The following PLEC variants were observed in gnomAD, a reference collection of about 807,000 sequenced individuals.
PLEC encodes the protein hemidesmosomal protein 1.
PLEC carries 216 observed loss-of-function variants against 392.8 expected under a neutral mutation model. The observed-to-expected ratio is 0.55, with a 90% CI of 0.49 to 0.62. The LOEUF is 0.62. Ranked by LOEUF, PLEC falls within the 20% of genes least tolerant of loss-of-function variation. The probability of loss-of-function intolerance (pLI) is 0.00; values close to 1 mark genes in which losing one functional copy is unlikely to be tolerated. For synonymous variants in PLEC, 3,621 were observed against 2,980.6 expected, an observed-to-expected ratio of 1.21 and a Z score of -7.00; for missense variants, 6,863 against 6,563.4, an observed-to-expected ratio of 1.05 and a Z score of -1.58.
chr8:143,942,382 C>A, upstream of PLEC: 2 of 1,602,858 alleles, frequency 1.2e-6, no homozygotes, highest in South Asian at 1.1e-5. Flanking sequence ...GGCCACGCCA[C>A]TGCACCCACC....
intron 1 of PLEC, among the ~76,000 whole-genome samples, chr8:143,959,725 G>A (rs541162880): frequency 1.0e-4 from 16 of 152,392 alleles, no homozygotes; most frequent in South Asian, 2.1e-4. Flanking sequence ...AACCTGGTGT[G>A]GTGGCTCACG....
In PLEC at chr8:143,927,087, G is replaced by A. The variant is rs782214540; in HGVS notation, c.3841-6C>T. The stretch of plus-strand genomic sequence containing the variant: ...ACCAGCTGGAGTTCATAGTCCTGTG[G>A]CAATGCACTGCGGTCAGCCACCAGC... On this transcript the variant is annotated splice_polypyrimidine_tract_variant and splice_region_variant and intron_variant, in intron 28 of 31. Coordinates refer to ENST00000345136, the MANE Select transcript of PLEC (RefSeq NM_201384.3). 3.7e-6 allele frequency: 6 copies of A among 1,606,438 alleles called. No homozygotes were observed. The highest frequency in any genetic ancestry group is 5.1e-6 in the Non-Finnish European group (6 of 1,176,828).
At position 143,918,580 on chromosome 8, in the gene PLEC, A is replaced by G; in HGVS notation, c.11241T>C (p.Ala3747=). ...VKGERLTVDE[A]VRKGLVGPEL... is the part of the protein sequence containing the mutation. The stretch of plus-strand genomic sequence containing the variant: ...CGGGCCCCACGAGGCCCTTCCGCAC[A>G]GCCTCATCCACAGTCAGCCGCTCCC... Residue 3747 remains alanine (A), a synonymous_variant, in exon 32 of 32, where the codon GCT becomes GCC. Transcript: ENST00000345136. 1 of 1,612,184 alleles carries G rather than the reference A, an allele frequency of 6.2e-7. No homozygotes were observed. The highest frequency in any genetic ancestry group is 8.5e-7 in the Non-Finnish European group (1 of 1,179,872).
Position 143,919,560 on chromosome 8 carries a change from C to T in PLEC, c.10261G>A (p.Glu3421Lys), listed in dbSNP as rs782234717. The change falls in exon 32 of 32, where the codon GAG becomes AAG. Residue 3421 changes from glutamate to lysine, a missense_variant. Glu to Lys is a moderately conservative substitution (Grantham distance 56). Coordinates refer to ENST00000345136, the MANE Select transcript of PLEC (RefSeq NM_201384.3). ...GCAGACAGCAGCTGCTCGTGAAGCT[C>T]GGGGCCCACCACGCCCGCCTTCACG... is the stretch of plus-strand genomic sequence containing the variant. Reference protein sequence around the residue: ...EAVKAGVVGPELHEQLLSAEK... With the variant: ...EAVKAGVVGPKLHEQLLSAEK... 22 of 1,607,444 alleles carry T rather than the reference C, an allele frequency of 1.4e-5. No homozygotes were observed. Among genetic ancestry groups the T allele is most frequent in the East Asian group, 2.2e-5 (1 of 44,846 alleles).
At chr8:143,952,070 G>A (rs1832210897), upstream of PLEC, among the ~76,000 whole-genome samples, 1 of 152,158 alleles carries the variant, frequency 6.6e-6, no homozygotes, top group South Asian at 2.1e-4. Context: ...GTGGGAGAGA[G>A]GGGGGATCCC....
Position 143,924,335 on chromosome 8 carries a change from C to T in PLEC, c.5594G>A (p.Arg1865His), listed in dbSNP as rs569571032. The change falls in exon 31 of 32, where the codon CGC (arginine) becomes CAC (histidine). Residue 1865 changes from arginine to histidine, a missense_variant. Arg to His is a conservative substitution (Grantham distance 29). Transcript: ENST00000345136. ...CTCGTCCTCCGCCAGCCGCCGCAGG[C>T]GCTCGTTCTCCGCCTCCTTCTCCTT... ...ALKEKEAENERLRRLAEDEAF... is the reference protein window; with the variant it reads ...ALKEKEAENEHLRRLAEDEAF... 9.5e-5 allele frequency: 151 copies of T among 1,596,652 alleles called. No homozygotes were observed. Among genetic ancestry groups the T allele is most frequent in the South Asian group, 9.4e-4 (85 of 90,844 alleles).
intron 6 of PLEC, 82 bp downstream of exon 6, chr8:143,935,765 GC>G: frequency 6.8e-7 from 1 of 1,472,078 alleles, no homozygotes; most frequent in South Asian, 1.2e-5. Flanking sequence ...CCTCCTCCCT[GC>G]CCCAACGTGT....
Position 143,931,873 on chromosome 8 carries a change from G to A in PLEC, c.2178+64C>T. 3 of 1,477,654 alleles carry A rather than the reference G, an allele frequency of 2.0e-6. No individual in the cohort carries two copies. In the South Asian group the frequency reaches 3.6e-5, roughly 18 times the overall value. 91.5% of individuals were successfully genotyped at this position (1,477,654 alleles called of 1,614,324 possible). On this transcript the variant is annotated intron_variant, in intron 18 of 31. Transcript: ENST00000345136. Reference sequence around the variant, plus strand: ...AGGGCTCCTGATTGGAGCTGCCGAGGGGGTCCAGGGGCTCCTGCAAGGCTG... The same window carrying A: ...AGGGCTCCTGATTGGAGCTGCCGAGAGGGTCCAGGGGCTCCTGCAAGGCTG...
chr8:143,931,866 T>C (rs1386965164), intron 18 of PLEC, 71 bp downstream of exon 18: 2 of 1,457,654 alleles, frequency 1.4e-6, no homozygotes, highest in East Asian at 2.4e-5. Flanking sequence ...TGATTGGAGC[T>C]GCCGAGGGGG....
At position 143,969,862 on chromosome 8, in the gene PLEC, C is replaced by T. The variant is rs1833327199; in HGVS notation, c.70+3541G>A. 2.0e-5 allele frequency among the ~76,000 whole-genome samples: 3 copies of T among 150,832 alleles called. No individual in the cohort carries two copies. Among genetic ancestry groups the T allele is most frequent in the African/African-American group, 7.3e-5 (3 of 40,916 alleles). ...GGTGAGAATGAGGCCGGGGTGAGTA[C>T]CGTTGGTGAGTGGGTGGCGTTGGTG... is the stretch of plus-strand genomic sequence containing the variant. On this transcript the variant is annotated intron_variant, in intron 1 of 31. Transcript: ENST00000356346. The surrounding 1 kb of genome is among the most constrained non-coding windows in gnomAD (Gnocchi z 5.1).
chr8:143,935,782 G>A, intron 6 of PLEC, 66 bp downstream of exon 6: 2 of 1,560,076 alleles, frequency 1.3e-6, no homozygotes, highest in Middle Eastern at 1.7e-4. Flanking sequence ...CGTGTCTGAA[G>A]TTGCCTAGTG....
chr8:143,963,599 G>A (rs1832958594), intron 1 of PLEC, among the ~76,000 whole-genome samples: 1 of 152,114 alleles, frequency 6.6e-6, no homozygotes, highest in South Asian at 2.1e-4. Flanking sequence ...GCCCCCATCT[G>A]GATCCTACCC....
chr8:143,929,623 G>T, intron 23 of PLEC, 23 bp downstream of exon 23: 2 of 1,608,462 alleles, frequency 1.2e-6, no homozygotes, highest in Non-Finnish European at 8.5e-7. Context: ...CAGCCCAACC[G>T]CCCCAGCCCT....
Position 143,934,821 on chromosome 8 carries a change from C to T in PLEC, c.934G>A (p.Glu312Lys), listed in dbSNP as rs577853547. The T allele has an allele frequency of 2.3e-5, 37 of 1,611,742 alleles. No homozygotes were observed. Among genetic ancestry groups the T allele is most frequent in the Admixed American group, 1.5e-4 (9 of 60,010 alleles). ...FEERRFPSSF[E>K]EIEILWSQFL... ...CACGGCAGGCCCACCTCAATCTCCT[C>T]GAAGCTGGAGGGGAACCTGCGTTCC... The change falls in exon 9 of 32, where the codon GAG becomes AAG. Residue 312 changes from glutamate to lysine, a missense_variant. Transcript: ENST00000345136.
At chr8:143,927,358 C>T (rs1825596126) in intron 27 of PLEC, 23 bp from the exon 28 acceptor site, 1 of 1,611,802 alleles carries the variant, frequency 6.2e-7, no homozygotes, top group Non-Finnish European at 8.5e-7. Flanking sequence ...GTGGTCAGAG[C>T]CGTGGCCGCA....
rs564590863 is a variant in PLEC, at chr8:143,924,020, G to A, written c.5909C>T (p.Ala1970Val). 14 of 1,588,348 alleles carry A rather than the reference G, an allele frequency of 8.8e-6. No individual in the cohort carries two copies. In the East Asian group the frequency reaches 9.0e-5, roughly 10 times the overall value. Residue 1970 changes from alanine to valine, a missense_variant, in exon 31 of 32, where the codon GCG (alanine) becomes GTG (valine). Coordinates refer to ENST00000345136, the MANE Select transcript of PLEC (RefSeq NM_201384.3). ...CTCCGCCGCCAGCTGCCGCTGCCTC[G>A]CAGCCTCCAGCTCGGCCTGCTCCTT... ...RSKEQAELEAARQRQLAAEEE... is the reference protein window; with the variant it reads ...RSKEQAELEAVRQRQLAAEEE...
intron 1 of PLEC, among the ~76,000 whole-genome samples, chr8:143,972,436 G>GGA (rs1270492506): frequency 6.6e-6 from 1 of 152,214 alleles, no homozygotes; most frequent in African/African-American, 2.4e-5. Flanking sequence ...GACGCCTGAA[G>GGA]GAGATGAGTT....
Position 143,969,216 on chromosome 8 carries a change from C to A in PLEC, c.70+4187G>T, listed in dbSNP as rs1274149537. On this transcript the variant is annotated intron_variant, in intron 1 of 31. Coordinates refer to the PLEC transcript ENST00000356346. The surrounding 1 kb of genome is among the most constrained non-coding windows in gnomAD (Gnocchi z 5.1). ...GCTGATGGCGCGGCGATGTGAGCAG[C>A]CCTGACAGCGTCCCGGCAAGTCGAA... Among the ~76,000 whole-genome samples the A allele has an allele frequency of 1.3e-5, 2 of 152,214 alleles. No homozygotes were observed. The highest frequency in any genetic ancestry group is 2.9e-5 in the Non-Finnish European group (2 of 68,034).
intron 1 of PLEC, among the ~76,000 whole-genome samples, chr8:143,961,440 G>C (rs1018477446): frequency 1.3e-5 from 2 of 152,208 alleles, no homozygotes; most frequent in East Asian, 3.9e-4. Context: ...TGGTTAGGCT[G>C]GTCTCGTACT....
Sources: gnomAD v4.1 joint callset for allele counts (sites outside exome capture counted in the v4.1 genomes callset) on GRCh38, gnomAD v4.1.1 for gene constraint, Gnocchi (gnomAD v3.1) non-coding constraint, MANE v1.5 for transcripts, NCBI Gene and HGNC (gene_info 2026-07-23, HGNC 2026-07-21) for gene names.